Variants in SRBD1 observed in about 807,000 individuals in gnomAD.
SRBD1 encodes the protein S1 RNA-binding domain-containing protein 1.
SRBD1 carries 88 observed loss-of-function variants against 115.3 expected under a neutral mutation model. The ratio of observed to expected loss-of-function variants is 0.76; its 90% CI spans 0.64 to 0.91. The LOEUF (loss-of-function observed/expected upper bound fraction) is 0.91, where lower values mean the gene tolerates loss of function less well. Among genes scored for constraint, SRBD1 ranks in the 40% least tolerant of loss-of-function variants. The pLI is 0.00. For synonymous variants in SRBD1, 509 were observed against 407.7 expected (o/e 1.25, Z -2.99); for missense variants, 1,385 against 1,177.4 (o/e 1.18, Z -2.58).
chr2:45,551,359 G>C (rs1478377488), intron 11 of SRBD1, 77 bp from the exon 12 acceptor site: 6 of 1,357,860 alleles, frequency 4.4e-6, no homozygotes. Flanking sequence ...AATTCATTTT[G>C]TACAATTATT....
intron 16 of SRBD1, among the ~76,000 whole-genome samples, chr2:45,466,734 C>T (rs770852511): frequency 1.3e-5 from 2 of 152,190 alleles, no homozygotes; most frequent in African/African-American, 2.4e-5. Context: ...CTTCTTCAAA[C>T]TCTCACCCTT....
chr2:45,401,010 A>G (rs1168982494), intron 19 of SRBD1, among the ~76,000 whole-genome samples: 1 of 152,164 alleles, frequency 6.6e-6, no homozygotes, highest in African/African-American at 2.4e-5. Flanking sequence ...AAGACATTGG[A>G]TATGACAATC....
chr2:45,552,271 C>G (rs1449987697), intron 11 of SRBD1, among the ~76,000 whole-genome samples: 1 of 152,166 alleles, frequency 6.6e-6, no homozygotes, highest in Non-Finnish European at 1.5e-5. Context: ...TTAAGTATTC[C>G]TATCAGGAGG....
intron 16 of SRBD1, among the ~76,000 whole-genome samples, chr2:45,427,214 C>T (rs997707291): frequency 4.7e-5 from 7 of 149,266 alleles, no homozygotes; most frequent in Non-Finnish European, 1.0e-4. Flanking sequence ...TGAAAAACAC[C>T]GCACAAGAAC....
intron 14 of SRBD1, among the ~76,000 whole-genome samples, chr2:45,542,563 G>T (rs943134824): frequency 1.3e-5 from 2 of 152,216 alleles, no homozygotes; most frequent in African/African-American, 4.8e-5. Flanking sequence ...GGCTGCCACT[G>T]CCACCACTAG....
At chr2:45,406,347 G>T (rs1667436664) in intron 19 of SRBD1, among the ~76,000 whole-genome samples, 1 of 152,198 alleles carries the variant, frequency 6.6e-6, no homozygotes, top group South Asian at 2.1e-4. Flanking sequence ...GTCACCAGGT[G>T]AATGTCAGAA....
intron 3 of SRBD1, among the ~76,000 whole-genome samples, chr2:45,601,158 T>C (rs1277918985): frequency 1.3e-5 from 2 of 152,202 alleles, no homozygotes; most frequent in South Asian, 2.1e-4. Flanking sequence ...AAACATTCAA[T>C]TGTGATTGTG....
At chr2:45,522,953 G>C (rs1055736903) in intron 14 of SRBD1, among the ~76,000 whole-genome samples, 1 of 151,972 alleles carries the variant, frequency 6.6e-6, no homozygotes, top group Non-Finnish European at 1.5e-5. Context: ...CTACACAGAG[G>C]GGGTCAACAT....
chr2:45,420,326 T>A (rs1343788161), intron 16 of SRBD1, among the ~76,000 whole-genome samples: 1 of 152,198 alleles, frequency 6.6e-6, no homozygotes, highest in East Asian at 1.9e-4. Context: ...CTAACATTCA[T>A]GCACGGCCTT....
intron 1 of SRBD1, among the ~76,000 whole-genome samples, chr2:45,607,339 T>C (rs1275003703): frequency 6.6e-6 from 1 of 152,006 alleles, no homozygotes; most frequent in Non-Finnish European, 1.5e-5. Context: ...GCTATTCCTC[T>C]AGAAGAAAAA....
At chr2:45,409,295 G>A (rs1363941388) in intron 19 of SRBD1, among the ~76,000 whole-genome samples, 1 of 151,744 alleles carries the variant, frequency 6.6e-6, no homozygotes, top group African/African-American at 2.4e-5. Flanking sequence ...TGATAATTTA[G>A]TCTCCACGTA....
intron 16 of SRBD1, among the ~76,000 whole-genome samples, chr2:45,465,835 G>A (rs577103989): frequency 6.6e-6 from 1 of 152,066 alleles, no homozygotes; most frequent in South Asian, 2.1e-4. Context: ...GATTTTAAAT[G>A]AACAAGAATT....
chr2:45,470,514 T>A (rs1027900136), intron 16 of SRBD1, among the ~76,000 whole-genome samples: 2 of 152,168 alleles, frequency 1.3e-5, no homozygotes, highest in African/African-American at 4.8e-5. Context: ...TCTGAGTCTT[T>A]CCTACTTTAC....
intron 14 of SRBD1, among the ~76,000 whole-genome samples, chr2:45,543,821 T>C (rs2104020991): frequency 6.6e-6 from 1 of 152,210 alleles, no homozygotes; most frequent in South Asian, 2.1e-4. Flanking sequence ...AAATCAGAAC[T>C]GCAAAAATGG....
At position 45,547,554 on chromosome 2, in the gene SRBD1, C is replaced by A. The variant is rs145472070; in HGVS notation, c.1734G>T (p.Ala578=). Residue 578 remains alanine, a synonymous_variant, in exon 13 of 21, where the codon GCG becomes GCT. Transcript: ENST00000263736. ...YLHCGQGFRE[A]EKIKTLLLNF... The stretch of plus-strand genomic sequence containing the variant: ...TCAGCAAAAGTGTCTTTATTTTCTC[C>A]GCCTCTCGGAAGCCTTGTCCACAAT... 1.9e-5 allele frequency: 31 copies of A among 1,613,386 alleles called. No individual in the cohort carries two copies. Among genetic ancestry groups the A allele is most frequent in the Non-Finnish European group, 2.6e-5 (31 of 1,179,670 alleles).
chr2:45,467,235 T>A (rs765159756), intron 16 of SRBD1, among the ~76,000 whole-genome samples: 2 of 152,244 alleles, frequency 1.3e-5, no homozygotes, highest in African/African-American at 4.8e-5. Context: ...TTGAATTACA[T>A]GTGAATTTTA....
intron 16 of SRBD1, chr2:45,447,978 T>C (rs1311926136): frequency 6.6e-6 from 1 of 152,180 alleles, no homozygotes; most frequent in Non-Finnish European, 1.5e-5. Flanking sequence ...TATTAAAGGA[T>C]GCATTTTTAA....
chr2:45,453,610 T>C (rs1287377270), intron 16 of SRBD1, among the ~76,000 whole-genome samples: 4 of 151,736 alleles, frequency 2.6e-5, no homozygotes, highest in Non-Finnish European at 5.9e-5. Flanking sequence ...TGGTAAATAT[T>C]AAAACTCAAA....
intron 16 of SRBD1, among the ~76,000 whole-genome samples, chr2:45,422,303 T>A (rs1199075619): frequency 6.6e-6 from 1 of 152,158 alleles, no homozygotes; most frequent in Non-Finnish European, 1.5e-5. Context: ...TCTCCTCCTT[T>A]CAAACAGAAG....
Sources: allele counts gnomAD v4.1 joint callset (sites outside exome capture counted in the v4.1 genomes callset), GRCh38; gene constraint gnomAD v4.1.1; transcripts MANE v1.5; gene names NCBI Gene and HGNC (gene_info 2026-07-23, HGNC 2026-07-21).